The following BPTF variants were observed in gnomAD, a reference collection of about 807,000 sequenced individuals.
The protein encoded by BPTF is nucleosome-remodeling factor subunit BPTF.
A neutral mutation model predicts 292.5 loss-of-function variants in BPTF; 18 were observed. The observed-to-expected ratio is 0.06, with a 90% CI of 0.04 to 0.09. BPTF has a LOEUF of 0.09. BPTF is among the 10% of genes least tolerant of loss of function. The pLI is 1.00. For synonymous variants in BPTF, 1,225 were observed against 1,251.9 expected, an observed-to-expected ratio of 0.98 and a Z score of 0.45; for missense variants, 2,726 against 3,498.7, an observed-to-expected ratio of 0.78 and a Z score of 5.57.
intron 27 of BPTF, among the ~76,000 whole-genome samples, chr17:67,979,510 C>T (rs1433679799): frequency 6.6e-6 from 1 of 152,112 alleles, no homozygotes; most frequent in Non-Finnish European, 1.5e-5. Context: ...CGCCACTGCA[C>T]TCCAGCCTGG....
At chr17:67,949,291 G>T (rs1357315305) in intron 23 of BPTF, among the ~76,000 whole-genome samples, 1 of 152,144 alleles carries the variant, frequency 6.6e-6, no homozygotes, top group Non-Finnish European at 1.5e-5. Context: ...CTTGAACCCG[G>T]AAAGCAGAGG....
Position 67,825,540 on chromosome 17 carries a change from GA to G in BPTF, c.-183del. 1 of 427,390 alleles carries G rather than the reference GA, an allele frequency of 2.3e-6. No individual in the cohort carries two copies. Among genetic ancestry groups the G allele is most frequent in the Non-Finnish European group, 4.6e-6 (1 of 219,540 alleles). The allele number at this position is 427,390 out of a possible 1,614,324, so 26.5% of individuals were successfully genotyped here. Reference sequence around the variant, plus strand: ...AGAGGGAAGAAACAAGATGGCGGCTGAAGGCGATCCGGAGTGGGGCCCCAGC... The same window carrying G: ...AGAGGGAAGAAACAAGATGGCGGCTGAGGCGATCCGGAGTGGGGCCCCAGC... On this transcript the variant is annotated 5_prime_UTR_variant, in exon 1 of 28. An upstream open reading frame in the 5' UTR loses its in-frame stop. Coordinates refer to ENST00000306378, the MANE Select transcript of BPTF (RefSeq NM_182641.4).
At chr17:67,917,780 G>T (rs998502248) in intron 11 of BPTF, among the ~76,000 whole-genome samples, 4 of 151,956 alleles carry the variant, frequency 2.6e-5, no homozygotes, top group African/African-American at 9.7e-5. Flanking sequence ...TTACAGGCAT[G>T]CACCACCATG....
intron 11 of BPTF, among the ~76,000 whole-genome samples, chr17:67,917,131 C>CCTTTTTTTTTTTTTTTTTT (rs2063065953): frequency 2.0e-4 from 21 of 105,796 alleles, no homozygotes; most frequent in African/African-American, 7.2e-4. Context: ...TGGTATTGTC[C>CCTTTTTTTTTTTTTTTTTT]TTTTTTTTTT....
intron 15 of BPTF, among the ~76,000 whole-genome samples, chr17:67,925,063 T>G (rs2063761963): frequency 6.6e-6 from 1 of 151,532 alleles, no homozygotes; most frequent in Admixed American, 6.6e-5. Context: ...TTTTTTTTTT[T>G]TTTTTTTTTT....
At chr17:67,936,770 G>T (rs1015332853) in intron 18 of BPTF, 5 of 152,202 alleles carry the variant, frequency 3.3e-5, no homozygotes, top group African/African-American at 1.2e-4. Context: ...CATTGACTCT[G>T]TGCCAGGGTG....
chr17:67,936,262 G>A (rs1397693250), intron 18 of BPTF, among the ~76,000 whole-genome samples: 2 of 152,076 alleles, frequency 1.3e-5, no homozygotes, highest in African/African-American at 4.8e-5. Flanking sequence ...ATTTACCTGA[G>A]AAAAGAAAGG....
chr17:67,848,161 A>G (rs2058164201), intron 1 of BPTF, among the ~76,000 whole-genome samples: 1 of 137,978 alleles, frequency 7.2e-6, no homozygotes. Context: ...GTCTGAAAAC[A>G]CTGTAAATTC....
At position 67,928,416 on chromosome 17, in the gene BPTF, G is replaced by A. The variant is rs1399521599; in HGVS notation, c.5813G>A (p.Ser1938Asn). 1.2e-6 allele frequency: 2 copies of A among 1,613,986 alleles called. No homozygotes were observed. The highest frequency in any genetic ancestry group is 1.7e-5 in the Admixed American group (1 of 59,984). ...IATSTTSPTSSTTSTISPAQK... is the reference protein window; with the variant it reads ...IATSTTSPTSNTTSTISPAQK... ...ACTTCCACTACTTCCCCAACAAGCA[G>A]TACAACCAGCACCATCTCTCCAGCA... Residue 1938 changes from serine (S) to asparagine (N), a missense_variant, in exon 16 of 28, where the codon AGT (serine) becomes AAT (asparagine). Transcript: ENST00000306378.
chr17:67,875,564 G>C (rs1215629752), intron 4 of BPTF: 21 of 1,522,494 alleles, frequency 1.4e-5, no homozygotes, highest in Non-Finnish European at 1.8e-5. Context: ...AGAGCCAACA[G>C]AAGTTGGGGA....
At chr17:67,938,042 G>T (rs981650358) in intron 18 of BPTF, among the ~76,000 whole-genome samples, 1 of 152,230 alleles carries the variant, frequency 6.6e-6, no homozygotes, top group Non-Finnish European at 1.5e-5. Flanking sequence ...GAACCCAGGA[G>T]GCAGAAGTTG....
At chr17:67,976,125 G>A in intron 27 of BPTF, 167 bp downstream of exon 27, 2 of 511,972 alleles carry the variant, frequency 3.9e-6, no homozygotes, top group Non-Finnish European at 6.3e-6. Context: ...CTGCCAAGGA[G>A]AAGTGGACAA....
chr17:67,865,240 A>G (rs776182744), intron 2 of BPTF, among the ~76,000 whole-genome samples: 1 of 152,178 alleles, frequency 6.6e-6, no homozygotes, highest in Non-Finnish European at 1.5e-5. Flanking sequence ...AACTCCACCC[A>G]TATCCTTTTA....
intron 18 of BPTF, among the ~76,000 whole-genome samples, chr17:67,938,036 C>T (rs1327984598): frequency 6.6e-6 from 1 of 152,210 alleles, no homozygotes; most frequent in Non-Finnish European, 1.5e-5. Flanking sequence ...TCGCTTGAAC[C>T]CAGGAGGCAG....
At chr17:67,964,108 CTA>C (rs2067777663) in intron 24 of BPTF, 102 bp from the exon 25 acceptor site, 4 of 1,132,574 alleles carry the variant, frequency 3.5e-6, no homozygotes, top group African/African-American at 1.6e-5. Flanking sequence ...AATACTAAAA[CTA>C]TTTTATATCC....
chr17:67,964,770 G>C (rs749380767), intron 25 of BPTF, among the ~76,000 whole-genome samples: 3 of 151,984 alleles, frequency 2.0e-5, no homozygotes, highest in Non-Finnish European at 4.4e-5. Flanking sequence ...GGAGGCCAAG[G>C]TGGGCGGATC....
intron 20 of BPTF, 51 bp from the exon 21 acceptor site, chr17:67,945,358 A>C: frequency 6.5e-7 from 1 of 1,548,974 alleles, no homozygotes; most frequent in Non-Finnish European, 8.7e-7. Flanking sequence ...TTCTTTAACC[A>C]CAGTTTTATG....
chr17:67,904,923 A>G, intron 9 of BPTF, 83 bp downstream of exon 9: 1 of 1,163,606 alleles, frequency 8.6e-7, no homozygotes, highest in Non-Finnish European at 1.2e-6. Flanking sequence ...ACTATATTTT[A>G]GATAAAAACA....
At chr17:67,863,848 C>A (rs984057399) in intron 2 of BPTF, among the ~76,000 whole-genome samples, 2 of 152,186 alleles carry the variant, frequency 1.3e-5, no homozygotes, top group Non-Finnish European at 2.9e-5. Context: ...TTGAAACTTA[C>A]TGTGAGTCAT....
Sources: allele counts gnomAD v4.1 joint callset (sites outside exome capture counted in the v4.1 genomes callset), GRCh38; gene constraint gnomAD v4.1.1; transcripts MANE v1.5; gene names NCBI Gene and HGNC (gene_info 2026-07-23, HGNC 2026-07-21).